SCN8A: variants seen among roughly 807,000 people sequenced by gnomAD.
The protein encoded by SCN8A is sodium voltage-gated channel alpha subunit 8.
Under a neutral mutation model 184.1 loss-of-function variants are expected in SCN8A, and 30 were observed. That is an observed-to-expected ratio of 0.16 (90% CI 0.12 to 0.22). The LOEUF (loss-of-function observed/expected upper bound fraction) is 0.22. Among genes scored for constraint, SCN8A ranks in the 10% least tolerant of loss-of-function variants. The pLI is 1.00. For missense variants in SCN8A, 1,057 were observed against 2,498.9 expected (o/e 0.42, Z 12.30); for synonymous variants, 852 against 907.0 (o/e 0.94, Z 1.09).
chr12:51,721,966 A>G, intron 12 of SCN8A, 58 bp downstream of exon 12: 1 of 1,599,020 alleles, frequency 6.3e-7, no homozygotes. Flanking sequence ...AAATAGATCG[A>G]GGCTAGGCAT....
chr12:51,686,542 G>T, intron 4 of SCN8A, 85 bp downstream of exon 4: 1 of 906,914 alleles, frequency 1.1e-6, no homozygotes, highest in East Asian at 2.6e-5. Context: ...TACCCATCAA[G>T]GAGAAAAAAA....
At chr12:51,732,118 A>G (rs514978) in intron 12 of SCN8A, among the ~76,000 whole-genome samples, 137,764 of 152,226 alleles carry the variant, frequency 0.9, 62,426 homozygotes, top group East Asian at 1. Context: ...CTGTGCTTGT[A>G]GGGTATTATT....
At chr12:51,666,664 G>A (rs1044192028) in intron 2 of SCN8A, among the ~76,000 whole-genome samples, 2 of 152,114 alleles carry the variant, frequency 1.3e-5, no homozygotes, top group Non-Finnish European at 2.9e-5. Context: ...CTGATGAATT[G>A]TCTTTGTGAC....
intron 20 of SCN8A, among the ~76,000 whole-genome samples, chr12:51,775,919 A>G (rs1194726651): frequency 1.3e-5 from 2 of 152,192 alleles, no homozygotes; most frequent in African/African-American, 4.8e-5. Flanking sequence ...GAATTTGAGG[A>G]TATTGATCAG....
chr12:51,738,899 C>T (rs1030000153), intron 12 of SCN8A, among the ~76,000 whole-genome samples: 3 of 152,100 alleles, frequency 2.0e-5, no homozygotes, highest in South Asian at 2.1e-4. Context: ...GCAGCTCTAC[C>T]GGCTGTGGTG....
intron 2 of SCN8A, among the ~76,000 whole-genome samples, chr12:51,669,481 C>A (rs2138682676): frequency 6.6e-6 from 1 of 152,286 alleles, no homozygotes; most frequent in Admixed American, 6.5e-5. Flanking sequence ...CTCCACCCAC[C>A]CACCTTCTTC....
At chr12:51,652,782 G>T (rs1054589752) in intron 1 of SCN8A, among the ~76,000 whole-genome samples, 24 of 152,160 alleles carry the variant, frequency 1.6e-4, no homozygotes, top group African/African-American at 5.6e-4. Context: ...TTGGTTAGAT[G>T]TCTTGCTTGT....
At chr12:51,764,508 G>A (rs557761697) in intron 15 of SCN8A, among the ~76,000 whole-genome samples, 1 of 152,000 alleles carries the variant, frequency 6.6e-6, no homozygotes, top group African/African-American at 2.4e-5. Context: ...GGTGGTGCAC[G>A]CCTGTAATCC....
intron 1 of SCN8A, among the ~76,000 whole-genome samples, chr12:51,608,330 A>G (rs1428260006): frequency 1.3e-5 from 2 of 152,012 alleles, no homozygotes; most frequent in Admixed American, 6.6e-5. Context: ...TTTTCTTTCA[A>G]TGTCTGGTAG....
chr12:51,640,212 G>GTTTTTTTTT (rs57362371), intron 1 of SCN8A, among the ~76,000 whole-genome samples: 1 of 34,732 alleles, frequency 2.9e-5, no homozygotes, highest in African/African-American at 1.2e-4. Flanking sequence ...TGCCTGGCCT[G>GTTTTTTTTT]TTTTTTTTTT....
At chr12:51,603,886 TA>T (rs780060405) in intron 1 of SCN8A, among the ~76,000 whole-genome samples, 5 of 152,084 alleles carry the variant, frequency 3.3e-5, no homozygotes, top group African/African-American at 1.2e-4. Context: ...TTTTGCCCAT[TA>T]AAAAAAATTG....
intron 11 of SCN8A, among the ~76,000 whole-genome samples, chr12:51,720,009 G>C (rs1942024664): frequency 6.8e-6 from 1 of 147,002 alleles, no homozygotes; most frequent in African/African-American, 2.5e-5. Context: ...CTGGCAGGCG[G>C]AGCTTGCAGT....
intron 6 of SCN8A, among the ~76,000 whole-genome samples, chr12:51,695,668 C>T (rs760378601): frequency 6.6e-6 from 1 of 151,496 alleles, no homozygotes; most frequent in Non-Finnish European, 1.5e-5. Flanking sequence ...TTCTCTCTCT[C>T]AGCATACTAA....
intron 12 of SCN8A, among the ~76,000 whole-genome samples, chr12:51,724,510 A>G (rs760625180): frequency 1.1e-4 from 17 of 152,340 alleles, no homozygotes; most frequent in African/African-American, 4.1e-4. Flanking sequence ...TGGCCAAAAT[A>G]AATGTTATAG....
chr12:51,788,298 T>TTTTC, intron 22 of SCN8A, among the ~76,000 whole-genome samples: 1 of 149,810 alleles, frequency 6.7e-6, no homozygotes, highest in East Asian at 2.0e-4. Context: ...TTTTTTTTTT[T>TTTTC]TTTTTTTTTT....
intron 26 of SCN8A, among the ~76,000 whole-genome samples, chr12:51,795,767 C>T (rs978329036): frequency 2.6e-5 from 4 of 151,794 alleles, no homozygotes; most frequent in African/African-American, 4.8e-5. Context: ...AATTCTGGGC[C>T]GGGTGCAGTG....
intron 2 of SCN8A, among the ~76,000 whole-genome samples, chr12:51,672,071 T>G (rs1466010255): frequency 6.6e-6 from 1 of 152,210 alleles, no homozygotes; most frequent in African/African-American, 2.4e-5. Flanking sequence ...TTCTCTTTTC[T>G]GTATTTTCCG....
intron 19 of SCN8A, among the ~76,000 whole-genome samples, chr12:51,770,982 T>C (rs1942917524): frequency 6.6e-6 from 1 of 152,198 alleles, no homozygotes; most frequent in Non-Finnish European, 1.5e-5. Flanking sequence ...ACCCCAGATC[T>C]CTTGTTCTTT....
rs949403425 is a variant in SCN8A at position 51,690,331 on chromosome 12, T to C, written c.706+1235T>C. Among the ~76,000 whole-genome samples the C allele has an allele frequency of 2.0e-5, 3 of 152,324 alleles. No homozygotes were observed. In the East Asian group the frequency reaches 5.8e-4, roughly 29 times the overall value. Reference sequence around the variant, plus strand: ...ATTACGTGGCTCTTCCCCTTGTGGCTGACTCAGAAATATCTCTCTTTTTAA... The same window carrying C: ...ATTACGTGGCTCTTCCCCTTGTGGCCGACTCAGAAATATCTCTCTTTTTAA... On this transcript the variant is annotated intron_variant, in intron 6 of 26. Coordinates refer to ENST00000627620, the MANE Select transcript of SCN8A (RefSeq NM_001330260.2).
Sources: gnomAD v4.1 joint callset for allele counts (sites outside exome capture counted in the v4.1 genomes callset) on GRCh38, gnomAD v4.1.1 for gene constraint, MANE v1.5 for transcripts, NCBI Gene and HGNC (gene_info 2026-07-23, HGNC 2026-07-21) for gene names.